Variants in RYR3 observed in about 807,000 individuals in gnomAD.
The protein encoded by RYR3 is brain ryanodine receptor-calcium release channel.
A neutral mutation model predicts 584.3 loss-of-function variants in RYR3; 207 were observed. The observed-to-expected ratio is 0.35, with a 90% confidence interval of 0.32 to 0.40. The LOEUF (loss-of-function observed/expected upper bound fraction) is 0.40, where lower values mean the gene tolerates loss of function less well. Among genes scored for constraint, RYR3 ranks in the 10% least tolerant of loss-of-function variants. RYR3 has a pLI of 1.00. For missense variants in RYR3, 5,616 were observed against 6,089.2 expected (o/e 0.92, Z 2.59); for synonymous variants, 2,416 against 2,248.5 (o/e 1.07, Z -2.11).
intron 49 of RYR3, among the ~76,000 whole-genome samples, chr15:33,736,803 C>G (rs1045624976): frequency 6.6e-6 from 1 of 151,886 alleles, no homozygotes; most frequent in African/African-American, 2.4e-5. Context: ...GGCTGAAGTG[C>G]AGTGGTGAGA....
intron 1 of RYR3, among the ~76,000 whole-genome samples, chr15:33,360,783 G>A (rs1379439223): frequency 6.6e-6 from 1 of 152,240 alleles, no homozygotes; most frequent in Non-Finnish European, 1.5e-5. Context: ...AAGTGCCTGA[G>A]TTTTGCATCT....
chr15:33,540,713 T>C, intron 6 of RYR3, 78 bp from the exon 7 acceptor site: 2 of 861,620 alleles, frequency 2.3e-6, no homozygotes, highest in East Asian at 2.4e-5. Flanking sequence ...AATTTAATCC[T>C]TGAAGTTCTA....
intron 96 of RYR3, 101 bp from the exon 97 acceptor site, chr15:33,854,288 G>T (rs2079413687): frequency 1.2e-6 from 1 of 850,160 alleles, no homozygotes; most frequent in East Asian, 2.7e-5. Context: ...GCCATATTTA[G>T]GTTATTAAAC....
At chr15:33,368,981 C>A (rs542006397) in intron 1 of RYR3, among the ~76,000 whole-genome samples, 1 of 152,326 alleles carries the variant, frequency 6.6e-6, no homozygotes, top group Admixed American at 6.5e-5. Context: ...CCTCAGGGAG[C>A]TCTTGCTGTG....
chr15:33,787,135 C>A (rs761370456), intron 66 of RYR3, among the ~76,000 whole-genome samples: 17 of 152,196 alleles, frequency 1.1e-4, no homozygotes, highest in Non-Finnish European at 2.1e-4. Flanking sequence ...GCCTGTTATT[C>A]CACAGGTGAA....
At chr15:33,691,778 G>A (rs1009955095) in intron 38 of RYR3, among the ~76,000 whole-genome samples, 4 of 152,260 alleles carry the variant, frequency 2.6e-5, no homozygotes, top group Middle Eastern at 3.4e-3. Context: ...AATTTTTACT[G>A]CTTTATTCAG....
intron 43 of RYR3, among the ~76,000 whole-genome samples, chr15:33,718,345 A>G (rs996763984): frequency 1.6e-4 from 25 of 152,176 alleles, no homozygotes; most frequent in African/African-American, 5.8e-4. Context: ...AATAAAGTCT[A>G]TTGACTTATT....
intron 17 of RYR3, among the ~76,000 whole-genome samples, chr15:33,602,585 G>A (rs911894879): frequency 1.3e-5 from 2 of 152,026 alleles, no homozygotes; most frequent in Non-Finnish European, 2.9e-5. Flanking sequence ...TTTCAGCATC[G>A]TTGCCCATGG....
At chr15:33,726,290 C>A (rs972595605) in intron 45 of RYR3, 96 bp from the exon 46 acceptor site, 42 of 1,371,684 alleles carry the variant, frequency 3.1e-5, no homozygotes, top group Non-Finnish European at 4.1e-5. Flanking sequence ...TGGACCCCTG[C>A]CCTTAAGCCG....
intron 43 of RYR3, among the ~76,000 whole-genome samples, chr15:33,713,099 G>A (rs2067235802): frequency 6.6e-6 from 1 of 152,142 alleles, no homozygotes; most frequent in Admixed American, 6.5e-5. Context: ...TGATTCAAAA[G>A]GACTTTCTGA....
At chr15:33,593,327 T>C (rs1272135254) in intron 16 of RYR3, among the ~76,000 whole-genome samples, 1 of 152,170 alleles carries the variant, frequency 6.6e-6, no homozygotes, top group Non-Finnish European at 1.5e-5. Flanking sequence ...TCAAGTTTCA[T>C]CTGATCTCTC....
In RYR3 at chr15:33,857,902, C is replaced by T. The variant is rs369078948; in HGVS notation, c.14130C>T (p.Asp4710=). 3.4e-5 allele frequency: 55 copies of T among 1,614,102 alleles called. No homozygotes were observed. Among genetic ancestry groups the T allele is most frequent in the African/African-American group, 1.9e-4 (14 of 75,016 alleles). The change falls in exon 99 of 104, where the codon GAC becomes GAT. Residue 4710 remains aspartate, a synonymous_variant. Transcript: ENST00000634891. ...EDDDEPDMKC[D]DMMTCYLFHM... ...ATGACGAGCCCGATATGAAGTGCGA[C>T]GACATGATGACGGTGAGAGCCCACC...
intron 14 of RYR3, among the ~76,000 whole-genome samples, chr15:33,582,363 T>C (rs1017601131): frequency 1.3e-5 from 2 of 152,176 alleles, no homozygotes; most frequent in Non-Finnish European, 2.9e-5. Context: ...GAAAGTTCAC[T>C]AGGCCAGAAT....
At chr15:33,437,505 G>A (rs536115713) in intron 1 of RYR3, among the ~76,000 whole-genome samples, 4 of 152,264 alleles carry the variant, frequency 2.6e-5, no homozygotes, top group African/African-American at 7.2e-5. Flanking sequence ...AAATTTTATT[G>A]TATAAAACTG....
At chr15:33,617,500 C>T (rs1485607411) in intron 19 of RYR3, among the ~76,000 whole-genome samples, 1 of 152,144 alleles carries the variant, frequency 6.6e-6, no homozygotes, top group Admixed American at 6.5e-5. Context: ...TATAGCATCT[C>T]TCCCAGCAAG....
At chr15:33,772,240 C>A in intron 63 of RYR3, 82 bp downstream of exon 63, 3 of 778,546 alleles carry the variant, frequency 3.9e-6, no homozygotes, top group South Asian at 3.2e-5. Context: ...CTTACATTGA[C>A]CTTGAGGGCA....
intron 1 of RYR3, among the ~76,000 whole-genome samples, chr15:33,409,470 A>G (rs1418603881): frequency 6.6e-6 from 1 of 151,872 alleles, no homozygotes; most frequent in Non-Finnish European, 1.5e-5. Context: ...TGGGCTCCCC[A>G]GGTGCTCAGC....
At chr15:33,398,802 C>G (rs1354430224) in intron 1 of RYR3, among the ~76,000 whole-genome samples, 1 of 152,104 alleles carries the variant, frequency 6.6e-6, no homozygotes, top group Non-Finnish European at 1.5e-5. Flanking sequence ...GTTCCTGGCT[C>G]TGAGGAGAGC....
At chr15:33,590,579 A>G (rs2059080869) in intron 16 of RYR3, among the ~76,000 whole-genome samples, 1 of 149,678 alleles carries the variant, frequency 6.7e-6, no homozygotes, top group Admixed American at 6.6e-5. Context: ...AATTTCTTTC[A>G]TCAGTGTTTC....
Sources: allele counts gnomAD v4.1 joint callset (sites outside exome capture counted in the v4.1 genomes callset), GRCh38; gene constraint gnomAD v4.1.1; transcripts MANE v1.5; gene names NCBI Gene and HGNC (gene_info 2026-07-23, HGNC 2026-07-21).